Variants in OLFM1 observed in about 807,000 individuals in gnomAD.
OLFM1 encodes olfactomedin 1, also known as noelin.
Under a neutral mutation model 49.7 loss-of-function variants are expected in OLFM1, and 9 were observed. That is an observed-to-expected ratio of 0.18 (90% CI 0.11 to 0.32). The LOEUF (loss-of-function observed/expected upper bound fraction) is 0.32, where lower values mean the gene tolerates loss of function less well. Ranked by LOEUF, OLFM1 falls within the 10% of genes least tolerant of loss-of-function variation. The pLI is 1.00. For synonymous variants in OLFM1, 240 were observed against 271.8 expected (o/e 0.88, Z 1.15); for missense variants, 369 against 661.8 (o/e 0.56, Z 4.85).
Position 135,119,659 on chromosome 9 carries a change from C to T in OLFM1, c.939C>T (p.Asn313=), listed in dbSNP as rs1464554070. 8 of 1,614,078 alleles carry T rather than the reference C, an allele frequency of 5.0e-6. No homozygotes were observed. The highest frequency in any genetic ancestry group is 4.5e-5 in the East Asian group (2 of 44,894). The change falls in exon 6 of 6, where the codon AAC becomes AAT. Residue 313 remains asparagine, a synonymous_variant. Coordinates refer to ENST00000371793, the MANE Select transcript of OLFM1 (RefSeq NM_001282611.2). ...QVVYNGSIYF[N]KFQSHIIIRF... Reference sequence around the variant, plus strand: ...TCTACAACGGTTCTATCTACTTCAACAAGTTCCAGAGCCACATCATCATCA... The same window carrying T: ...TCTACAACGGTTCTATCTACTTCAATAAGTTCCAGAGCCACATCATCATCA...
upstream of OLFM1, among the ~76,000 whole-genome samples, chr9:135,086,929 A>G (rs1830604746): frequency 6.6e-6 from 1 of 151,068 alleles, no homozygotes; most frequent in Non-Finnish European, 1.5e-5. Context: ...TGGTCCCTTC[A>G]GCTCCTGAGG....
intron 1 of OLFM1, among the ~76,000 whole-genome samples, chr9:135,082,291 G>C (rs138736983): frequency 6.6e-6 from 1 of 152,268 alleles, no homozygotes; most frequent in East Asian, 1.9e-4. Flanking sequence ...ATCGCTTTGG[G>C]CCGTCCCTAA....
chr9:135,096,466 G>A (rs1397288718), intron 3 of OLFM1, among the ~76,000 whole-genome samples: 1 of 152,094 alleles, frequency 6.6e-6, no homozygotes, highest in Non-Finnish European at 1.5e-5. Context: ...GCCTTGAAAG[G>A]ACTGTTGCCC....
At position 135,106,995 on chromosome 9, in the gene OLFM1, TC is replaced by T. The variant is rs968196183; in HGVS notation, c.783+142del. The T allele has an allele frequency of 8.6e-5, 57 of 661,540 alleles. 1 individual carries two copies. In the African/African-American group the frequency reaches 9.8e-4, roughly 11 times the overall value. 41.0% of individuals were successfully genotyped at this position (661,540 alleles called of 1,614,324 possible). ...CAGCTTGGTGCCTGGGGGCGTTTGT[TC>T]CTGGAAGACTTTCGGGAGGGACCCA... On this transcript the variant is annotated intron_variant, in intron 5 of 5. Coordinates refer to ENST00000371793, the MANE Select transcript of OLFM1 (RefSeq NM_001282611.2).
chr9:135,101,207 T>A (rs1422920418), intron 4 of OLFM1, among the ~76,000 whole-genome samples: 1 of 152,136 alleles, frequency 6.6e-6, no homozygotes, highest in Non-Finnish European at 1.5e-5. Flanking sequence ...TGGTGAGGGC[T>A]TCTGTGAGAC....
At position 135,106,866 on chromosome 9, in the gene OLFM1, C is replaced by T. The variant is rs774501484; in HGVS notation, c.783+11C>T. The T allele has an allele frequency of 2.4e-5, 38 of 1,595,958 alleles. No homozygotes were observed. Among genetic ancestry groups the T allele is most frequent in the African/African-American group, 1.3e-5 (1 of 74,678 alleles). Reference sequence around the variant, plus strand: ...GAAGGCGATAACCGGGTGAGTGTCCCCTTATGTCATAGGGGGTCATTTGGG... The same window carrying T: ...GAAGGCGATAACCGGGTGAGTGTCCTCTTATGTCATAGGGGGTCATTTGGG... On this transcript the variant is annotated intron_variant, in intron 5 of 5. Coordinates refer to ENST00000371793, the MANE Select transcript of OLFM1 (RefSeq NM_001282611.2).
At chr9:135,092,922 T>G (rs565015850) in intron 2 of OLFM1, among the ~76,000 whole-genome samples, 1 of 152,308 alleles carries the variant, frequency 6.6e-6, no homozygotes, top group African/African-American at 2.4e-5. Context: ...CCCTGGCCTG[T>G]GTGCTATTTT....
intron 4 of OLFM1, among the ~76,000 whole-genome samples, chr9:135,100,430 G>A (rs1189498637): frequency 6.6e-6 from 1 of 152,234 alleles, no homozygotes; most frequent in African/African-American, 2.4e-5. Flanking sequence ...GGAGTAAAGA[G>A]AGAGGGTTAA....
chr9:135,118,945 G>C (rs1428471378), intron 5 of OLFM1, among the ~76,000 whole-genome samples: 4 of 142,968 alleles, frequency 2.8e-5, no homozygotes, highest in African/African-American at 1.1e-4. Context: ...GTCTTTGGAA[G>C]TGCTCACTGG....
rs1830830946 is a variant in OLFM1, at chr9:135,098,615, G to A, written c.676+110G>A. The A allele has an allele frequency of 4.2e-6, 4 of 957,032 alleles. No homozygotes were observed. The highest frequency in any genetic ancestry group is 5.0e-5 in the East Asian group (2 of 39,702). 59.3% of individuals were successfully genotyped at this position (957,032 alleles called of 1,614,324 possible). On this transcript the variant is annotated intron_variant, in intron 4 of 5. Transcript: ENST00000371793. The surrounding 1 kb of genome is among the most constrained non-coding windows in gnomAD (Gnocchi z 5.6). ...CAGCGCCCGCCTGGCTTCGCGAGGT[G>A]ATGGCTGGATTAGGGCTCCTGGGCA... is the stretch of plus-strand genomic sequence containing the variant.
At chr9:135,114,123 CT>C (rs138372395) in intron 5 of OLFM1, among the ~76,000 whole-genome samples, 511 of 75,794 alleles carry the variant, frequency 6.7e-3, no homozygotes, top group Non-Finnish European at 7.5e-3. Context: ...TCTTGAGATT[CT>C]TTTTTTTTTT....
chr9:135,114,123 C>CTTTTTTT lies in OLFM1; in HGVS notation c.784-5360_784-5354dup, dbSNP rs138372395. Among the ~76,000 whole-genome samples the CTTTTTTT allele has an allele frequency of 1.7e-3, 126 of 75,850 alleles. 21 individuals carry two copies. Among genetic ancestry groups the CTTTTTTT allele is most frequent in the Non-Finnish European group, 2.5e-3 (99 of 39,998 alleles). The allele number at this position is 75,850 out of a possible 152,430, so 49.8% of individuals were successfully genotyped here. ...TCCAGGACCAGCTCATCTTGAGATT[C>CTTTTTTT]TTTTTTTTTTTTTTTTTTTTTTTTT... On this transcript the variant is annotated intron_variant, in intron 5 of 5. Transcript: ENST00000371793.
upstream of OLFM1, among the ~76,000 whole-genome samples, chr9:135,082,730 G>A (rs978611235): frequency 6.6e-6 from 1 of 152,192 alleles, no homozygotes; most frequent in African/African-American, 2.4e-5. Flanking sequence ...CAGGTGAGGG[G>A]TGTTGACGGA....
chr9:135,102,608 C>T (rs1225733615), intron 4 of OLFM1, among the ~76,000 whole-genome samples: 1 of 152,192 alleles, frequency 6.6e-6, no homozygotes, highest in Non-Finnish European at 1.5e-5. Flanking sequence ...AGTGGCCGCC[C>T]CAGCCCAGGC....
upstream of OLFM1, among the ~76,000 whole-genome samples, chr9:135,085,653 TG>T (rs1249374982): frequency 2.0e-5 from 3 of 152,270 alleles, no homozygotes; most frequent in African/African-American, 7.2e-5. Flanking sequence ...GTGAAGAAAT[TG>T]GGATTGAAAG....
chr9:135,082,405 T>G (rs1830544654), intron 1 of OLFM1, among the ~76,000 whole-genome samples: 1 of 96,410 alleles, frequency 1.0e-5, no homozygotes, highest in South Asian at 2.8e-4. Context: ...CTCTCCTGAG[T>G]GGTGCTGAAA....
chr9:135,097,736 C>T, intron 3 of OLFM1: 2 of 1,485,980 alleles, frequency 1.3e-6, no homozygotes, highest in South Asian at 1.1e-5. Context: ...TTCAGGCAGG[C>T]TAGTGAGCTA....
chr9:135,099,693 T>G (rs1041513367), intron 4 of OLFM1, among the ~76,000 whole-genome samples: 1 of 152,318 alleles, frequency 6.6e-6, no homozygotes, highest in Middle Eastern at 3.4e-3. Flanking sequence ...CTAATCCATT[T>G]TGATGTGTGC....
chr9:135,090,122 T>G, intron 1 of OLFM1, 73 bp from the exon 2 acceptor site: 1 of 1,396,704 alleles, frequency 7.2e-7, no homozygotes, highest in South Asian at 1.4e-5. Flanking sequence ...CCCCTGGTTG[T>G]TGGCTCTGAT....
Sources: allele counts gnomAD v4.1 joint callset (sites outside exome capture counted in the v4.1 genomes callset), GRCh38; gene constraint gnomAD v4.1.1; non-coding constraint Gnocchi (gnomAD v3.1); transcripts MANE v1.5; gene names NCBI Gene and HGNC (gene_info 2026-07-23, HGNC 2026-07-21).